Variants in KAZN observed in about 807,000 individuals in gnomAD.
KAZN encodes the protein kazrin.
In KAZN, 40 loss-of-function variants were observed where a neutral mutation model predicts 87.4. That is an observed-to-expected ratio of 0.46 (90% confidence interval 0.36 to 0.60). The LOEUF (loss-of-function observed/expected upper bound fraction) is 0.60, where lower values mean the gene tolerates loss of function less well. KAZN is among the 20% of genes least tolerant of loss of function. KAZN has a pLI of 0.00. For synonymous variants in KAZN, 466 were observed against 458.3 expected, an observed-to-expected ratio of 1.02 and a Z score of -0.22; for missense variants, 898 against 1,073.9, an observed-to-expected ratio of 0.84 and a Z score of 2.29.
chr1:14,093,975 C>T (rs1644067007), intron 1 of KAZN, among the ~76,000 whole-genome samples: 1 of 152,062 alleles, frequency 6.6e-6, no homozygotes. Flanking sequence ...TGGGGTAGGA[C>T]CCTGCTGGAA....
At chr1:14,732,574 G>T (rs755802769) in intron 1 of KAZN, among the ~76,000 whole-genome samples, 1 of 152,182 alleles carries the variant, frequency 6.6e-6, no homozygotes, top group Non-Finnish European at 1.5e-5. Flanking sequence ...AGCAGGCAGA[G>T]GTTGCAGCGA....
intron 2 of KAZN, among the ~76,000 whole-genome samples, chr1:14,472,404 G>A (rs1668504059): frequency 2.0e-5 from 3 of 152,082 alleles, no homozygotes; most frequent in Admixed American, 1.3e-4. Flanking sequence ...TCATTCTGGG[G>A]CCCAGACTGA....
At chr1:14,833,889 G>T (rs1238557491) in intron 1 of KAZN, among the ~76,000 whole-genome samples, 1 of 139,940 alleles carries the variant, frequency 7.1e-6, no homozygotes, top group African/African-American at 3.0e-5. Flanking sequence ...CCAGAATGTT[G>T]GTGTCTAAGA....
At chr1:14,632,796 C>T (rs1200339132) in intron 1 of KAZN, among the ~76,000 whole-genome samples, 1 of 152,140 alleles carries the variant, frequency 6.6e-6, no homozygotes, top group Non-Finnish European at 1.5e-5. Context: ...TCTGTTGATG[C>T]TCTTCTTCCA....
intron 1 of KAZN, among the ~76,000 whole-genome samples, chr1:14,738,202 G>A (rs983016163): frequency 6.6e-6 from 1 of 152,150 alleles, no homozygotes; most frequent in Non-Finnish European, 1.5e-5. Context: ...GTAGATCTCA[G>A]CTAGAGAATC....
intron 2 of KAZN, among the ~76,000 whole-genome samples, chr1:14,417,399 G>T (rs79397849): frequency 6.6e-6 from 1 of 152,146 alleles, no homozygotes; most frequent in Non-Finnish European, 1.5e-5. Flanking sequence ...GATTTGGAAG[G>T]AAAGATACTT....
At chr1:14,798,687 G>C (rs1225266206) in intron 1 of KAZN, among the ~76,000 whole-genome samples, 1 of 152,106 alleles carries the variant, frequency 6.6e-6, no homozygotes, top group Non-Finnish European at 1.5e-5. Flanking sequence ...TCCCGCCTCA[G>C]CCTCCCAGAG....
At chr1:14,604,553 T>C (rs1388750540) in intron 1 of KAZN, among the ~76,000 whole-genome samples, 2 of 152,244 alleles carry the variant, frequency 1.3e-5, no homozygotes, top group Non-Finnish European at 2.9e-5. Context: ...GAGGCGAGGT[T>C]GTGCTCTGTG....
At chr1:14,502,474 C>T (rs571537558) in intron 2 of KAZN, among the ~76,000 whole-genome samples, 16 of 152,262 alleles carry the variant, frequency 1.1e-4, no homozygotes, top group Non-Finnish European at 2.4e-4. Flanking sequence ...TTTAGGTCAT[C>T]TCTTGCAGGG....
intron 1 of KAZN, among the ~76,000 whole-genome samples, chr1:14,138,991 A>G (rs1273094724): frequency 6.6e-6 from 1 of 152,180 alleles, no homozygotes; most frequent in Non-Finnish European, 1.5e-5. Context: ...GGATGAAGTT[A>G]ATGTCTGGGC....
At chr1:14,125,847 A>G (rs1483692503) in intron 1 of KAZN, among the ~76,000 whole-genome samples, 1 of 151,664 alleles carries the variant, frequency 6.6e-6, no homozygotes, top group Non-Finnish European at 1.5e-5. Context: ...GGTTCAGGGC[A>G]GATTTGCAGA....
At chr1:15,013,141 C>G (rs7536670) in intron 2 of KAZN, among the ~76,000 whole-genome samples, 43,193 of 152,140 alleles carry the variant, frequency 0.28, 6,586 homozygotes, top group South Asian at 0.35. Context: ...AGGCCTCCCT[C>G]CTGTAGACTC....
chr1:14,243,901 A>C (rs1197720672), intron 2 of KAZN, among the ~76,000 whole-genome samples: 1 of 152,166 alleles, frequency 6.6e-6, no homozygotes, highest in Non-Finnish European at 1.5e-5. Flanking sequence ...GGGCCAGCGT[A>C]GTTTACCCAT....
chr1:14,358,762 A>C (rs186947662), intron 2 of KAZN, among the ~76,000 whole-genome samples: 1 of 152,260 alleles, frequency 6.6e-6, no homozygotes, highest in East Asian at 1.9e-4. Context: ...CCTGAGTTCT[A>C]ATTTGATAGC....
intron 1 of KAZN, among the ~76,000 whole-genome samples, chr1:14,843,014 A>T (rs1160173568): frequency 2.6e-5 from 4 of 152,090 alleles, no homozygotes. Flanking sequence ...ATGTTCTGTG[A>T]TGGTGGATGA....
intron 1 of KAZN, among the ~76,000 whole-genome samples, chr1:14,673,630 A>G (rs1167219883): frequency 6.6e-6 from 1 of 152,184 alleles, no homozygotes; most frequent in African/African-American, 2.4e-5. Flanking sequence ...TGTTGGATCC[A>G]TTGTGCTGCC....
intron 2 of KAZN, among the ~76,000 whole-genome samples, chr1:14,584,027 T>C (rs1183958324): frequency 2.6e-5 from 4 of 152,188 alleles, no homozygotes; most frequent in Admixed American, 6.5e-5. Context: ...TATCTTGTTG[T>C]TGGGGCAGGG....
intron 2 of KAZN, among the ~76,000 whole-genome samples, chr1:14,495,264 C>T (rs574006192): frequency 1.3e-5 from 2 of 152,134 alleles, no homozygotes; most frequent in Non-Finnish European, 2.9e-5. Context: ...TTACCCAGGC[C>T]TGGTGATTAA....
intron 1 of KAZN, among the ~76,000 whole-genome samples, chr1:13,904,729 G>A (rs1639373693): frequency 6.6e-6 from 1 of 152,126 alleles, no homozygotes; most frequent in Non-Finnish European, 1.5e-5. Flanking sequence ...CTACAGTGTA[G>A]CTAGGGGTAG....
Sources: allele counts gnomAD v4.1 joint callset (sites outside exome capture counted in the v4.1 genomes callset), GRCh38; gene constraint gnomAD v4.1.1; transcripts MANE v1.5; gene names NCBI Gene and HGNC (gene_info 2026-07-23, HGNC 2026-07-21).